The following NOTCH2NLR variants were observed in gnomAD, a reference collection of about 807,000 sequenced individuals.
The protein encoded by NOTCH2NLR is notch 2 N-terminal like R, also known as notch 2 N-terminal like R (pseudogene).
NOTCH2NLR carries 33 observed loss-of-function variants against 35.6 expected under a neutral mutation model. The observed-to-expected ratio is 0.93, with a 90% CI of 0.70 to 1.24. NOTCH2NLR has a LOEUF of 1.24. Ranked by LOEUF, NOTCH2NLR falls within the 50% of genes most tolerant of loss-of-function variation. The pLI is 0.00. For missense variants in NOTCH2NLR, 276 were observed against 362.2 expected (o/e 0.76, Z 1.93); for synonymous variants, 103 against 141.0 (o/e 0.73, Z 1.91).
At chr1:120,783,993 GT>G (rs1651394661) in intron 2 of NOTCH2NLR, among the ~76,000 whole-genome samples, 1 of 111,694 alleles carries the variant, frequency 9.0e-6, no homozygotes, top group Non-Finnish European at 1.7e-5. Context: ...TAGAATTAAA[GT>G]TTTGTTGCAG....
At chr1:120,785,300 G>T in intron 3 of NOTCH2NLR, 67 bp downstream of exon 3, 1 of 1,282,542 alleles carries the variant, frequency 7.8e-7, no homozygotes, top group Non-Finnish European at 1.1e-6. Flanking sequence ...GCATCTTTTA[G>T]ATCATGGTGT....
chr1:120,733,130 TA>T lies in NOTCH2NLR; in HGVS notation c.73+8881del, dbSNP rs1571019680. Among the ~76,000 whole-genome samples the T allele has an allele frequency of 6.6e-4, 61 of 92,750 alleles. 15 individuals are homozygous for T. Among genetic ancestry groups the T allele is most frequent in the African/African-American group, 2.1e-3 (28 of 13,422 alleles). 60.8% of individuals were successfully genotyped at this position (92,750 alleles called of 152,430 possible). On this transcript the variant is annotated intron_variant, in intron 1 of 4. Coordinates refer to ENST00000624419, the Ensembl canonical transcript of NOTCH2NLR. ...ATTTATTTTTATATATATATATATATATGTTTAGTTTATGAACAGATCTACA... is the reference window on the plus strand; with the variant it reads ...ATTTATTTTTATATATATATATATATTGTTTAGTTTATGAACAGATCTACA...
intron 1 of NOTCH2NLR, among the ~76,000 whole-genome samples, chr1:120,758,922 C>T (rs1393709819): frequency 1.0e-5 from 1 of 96,104 alleles, no homozygotes; most frequent in Non-Finnish European, 1.9e-5. Context: ...CTCCTGCACC[C>T]CCAGCCTTCA....
chr1:120,752,519 A>AAT (rs1204399606), intron 1 of NOTCH2NLR, among the ~76,000 whole-genome samples: 337 of 14,680 alleles, frequency 0.023, 11 homozygotes, highest in African/African-American at 0.062. Flanking sequence ...GAAGTTCAGG[A>AAT]ATATATATAT....
chr1:120,762,468 C>G (rs1374270064), intron 1 of NOTCH2NLR, among the ~76,000 whole-genome samples: 1 of 107,732 alleles, frequency 9.3e-6, no homozygotes, highest in African/African-American at 5.2e-5. Context: ...GGCCTAGCGT[C>G]TCTCTGATCT....
chr1:120,756,712 G>C lies in NOTCH2NLR; in HGVS notation c.74-6916G>C, dbSNP rs1651084959. On this transcript the variant is annotated intron_variant, in intron 1 of 4. Transcript: ENST00000624419. ...AGGGAGGCTTTTAAGCCAGTGATAT[G>C]TAGCTGGTATGATACTGAAAAGCAT... Among the ~76,000 whole-genome samples the C allele has an allele frequency of 2.6e-5, 3 of 116,568 alleles. 1 individual carries two copies. Among genetic ancestry groups the C allele is most frequent in the African/African-American group, 1.6e-4 (3 of 19,116 alleles). The allele number at this position is 116,568 out of a possible 152,430, so 76.5% of individuals were successfully genotyped here.
intron 1 of NOTCH2NLR, among the ~76,000 whole-genome samples, chr1:120,759,870 C>G (rs1368735206): frequency 9.1e-6 from 1 of 109,548 alleles, no homozygotes; most frequent in Non-Finnish European, 1.7e-5. Flanking sequence ...GTACAATACC[C>G]TATTATTAAC....
chr1:120,785,281 C>A lies in NOTCH2NLR; in HGVS notation c.415+48C>A. On this transcript the variant is annotated intron_variant, in intron 3 of 4. Coordinates refer to ENST00000624419, the Ensembl canonical transcript of NOTCH2NLR. ...GTGCTTCCCTACCTTCAGCAGATAC[C>A]TTTATTTAGCATCTTTTAGATCATG... The A allele has an allele frequency of 1.4e-6, 2 of 1,394,408 alleles. 1 individual carries two copies. Among genetic ancestry groups the A allele is most frequent in the Admixed American group, 3.9e-5 (2 of 50,980 alleles). The allele number at this position is 1,394,408 out of a possible 1,614,324, so 86.4% of individuals were successfully genotyped here. A position where few individuals can be genotyped will look rare whatever the true frequency, so the allele number is the denominator to read the frequency against.
intron 3 of NOTCH2NLR, among the ~76,000 whole-genome samples, chr1:120,789,875 A>T (rs1368328430): frequency 1.4e-4 from 8 of 56,458 alleles, no homozygotes; most frequent in Non-Finnish European, 2.1e-4. Context: ...AAAATATTTC[A>T]ATTCTGGCTA....
intron 3 of NOTCH2NLR, among the ~76,000 whole-genome samples, chr1:120,791,375 T>G (rs1253389912): frequency 9.4e-6 from 1 of 106,900 alleles, no homozygotes; most frequent in East Asian, 2.3e-4. Flanking sequence ...CTATTCACAA[T>G]AGCAAAGAGT....
rs1416955931 is a variant in NOTCH2NLR, at chr1:120,778,081, T to C, written c.156-6893T>C. On this transcript the variant is annotated intron_variant, in intron 2 of 4. Transcript: ENST00000624419. ...TGTTAGCAATTACTTTTATCTACTT[T>C]AACAGGGGGGACAGAGTAGGGGGGC... Among the ~76,000 whole-genome samples, 37 of 81,116 alleles carry C rather than the reference T, an allele frequency of 4.6e-4. 5 individuals are homozygous for C. In the South Asian group the frequency reaches 8.5e-3, roughly 19 times the overall value. 53.2% of individuals were successfully genotyped at this position (81,116 alleles called of 152,430 possible). A position where few individuals can be genotyped will look rare whatever the true frequency, so the allele number is the denominator to read the frequency against.
chr1:120,793,577 T>A lies in NOTCH2NLR; in HGVS notation c.751+81T>A, dbSNP rs1651519973. 8 of 1,069,884 alleles carry A rather than the reference T, an allele frequency of 7.5e-6. 1 individual carries two copies. The highest frequency in any genetic ancestry group is 1.1e-5 in the Non-Finnish European group (8 of 755,984). The allele number at this position is 1,069,884 out of a possible 1,614,324, so 66.3% of individuals were successfully genotyped here. A position where few individuals can be genotyped will look rare whatever the true frequency, so the allele number is the denominator to read the frequency against. ...AGTGGGTGTGGCTCAATTGCATTTT[T>A]TAGGAAGCGCAAGGAAAAAGGGAAG... On this transcript the variant is annotated intron_variant, in intron 4 of 4. Transcript: ENST00000624419.
intron 2 of NOTCH2NLR, among the ~76,000 whole-genome samples, chr1:120,764,163 C>G (rs1179126398): frequency 8.8e-6 from 1 of 113,668 alleles, no homozygotes; most frequent in Admixed American, 8.5e-5. Context: ...AGGAGAGTGA[C>G]TTGAACCCAG....
chr1:120,784,780 A>G (rs1233360214), intron 2 of NOTCH2NLR, among the ~76,000 whole-genome samples, 194 bp from the exon 3 acceptor site: 1 of 118,784 alleles, frequency 8.4e-6, no homozygotes, highest in Non-Finnish European at 1.6e-5. Context: ...CCAGGACTCA[A>G]AAGGACATGG....
At chr1:120,790,543 T>TCTTTCTCCCTCC in intron 3 of NOTCH2NLR, among the ~76,000 whole-genome samples, 1 of 81,914 alleles carries the variant, frequency 1.2e-5, no homozygotes, top group Non-Finnish European at 2.2e-5. Context: ...TCCCTTTCTT[T>TCTTTCTCCCTCC]CTTTCTTTCT....
chr1:120,790,121 T>G (rs2101464783), intron 3 of NOTCH2NLR, among the ~76,000 whole-genome samples: 1 of 94,548 alleles, frequency 1.1e-5, no homozygotes, highest in Admixed American at 1.1e-4. Flanking sequence ...GTTCACGCCA[T>G]TCTTCTGCCT....
chr1:120,764,159 G>A (rs1248330946), intron 2 of NOTCH2NLR, among the ~76,000 whole-genome samples: 3,431 of 112,170 alleles, frequency 0.031, 582 homozygotes, highest in African/African-American at 0.11. Context: ...AGGCAGGAGA[G>A]TGACTTGAAC....
At chr1:120,770,626 T>G (rs1651252626) in intron 2 of NOTCH2NLR, among the ~76,000 whole-genome samples, 2 of 121,422 alleles carry the variant, frequency 1.6e-5, no homozygotes, top group Non-Finnish European at 3.2e-5. Flanking sequence ...ACTTTAGTCC[T>G]CATGTGAGAG....
intron 1 of NOTCH2NLR, among the ~76,000 whole-genome samples, chr1:120,727,638 A>AT (rs2101340367): frequency 9.7e-6 from 1 of 102,862 alleles, no homozygotes; most frequent in East Asian, 2.3e-4. Flanking sequence ...AGAGTAAAAA[A>AT]CTGCAAGGCG....
Sources: allele counts gnomAD v4.1 joint callset (sites outside exome capture counted in the v4.1 genomes callset), GRCh38; gene constraint gnomAD v4.1.1; transcripts MANE v1.5; gene names NCBI Gene and HGNC (gene_info 2026-07-23, HGNC 2026-07-21).